The following IMPG1 variants were observed in gnomAD, a reference collection of about 807,000 sequenced individuals.
The protein encoded by IMPG1 is interphotoreceptor matrix proteoglycan of 150 kDa.
In IMPG1, 85 loss-of-function variants were observed where a neutral mutation model predicts 92.0. The observed-to-expected ratio is 0.92, with a 90% CI of 0.78 to 1.11. IMPG1 has a LOEUF of 1.11. IMPG1 is among the 50% of genes least tolerant of loss of function. The pLI, the probability that IMPG1 is intolerant of heterozygous loss-of-function variation, is 0.00. For synonymous variants in IMPG1, 367 were observed against 334.1 expected (o/e 1.10, Z -1.08); for missense variants, 1,022 against 956.0 (o/e 1.07, Z -0.91).
At chr6:75,975,126 G>A (rs1030036661) in intron 12 of IMPG1, among the ~76,000 whole-genome samples, 1 of 152,208 alleles carries the variant, frequency 6.6e-6, no homozygotes, top group African/African-American at 2.4e-5. Context: ...CATCTTGGTA[G>A]CCCCTTACAC....
intron 12 of IMPG1, among the ~76,000 whole-genome samples, chr6:75,975,019 A>G (rs1446498417): frequency 6.6e-6 from 1 of 152,252 alleles, no homozygotes; most frequent in Admixed American, 6.5e-5. Context: ...AAGTTATAAA[A>G]TCACAAGTGA....
intron 1 of IMPG1, among the ~76,000 whole-genome samples, chr6:76,062,384 T>C (rs1326701043): frequency 4.6e-5 from 7 of 152,184 alleles, no homozygotes; most frequent in Admixed American, 3.3e-4. Context: ...ATGATGCTTG[T>C]CAAAATTAGA....
chr6:75,932,073 T>C (rs1340752039), intron 14 of IMPG1, among the ~76,000 whole-genome samples: 1 of 152,258 alleles, frequency 6.6e-6, no homozygotes, highest in African/African-American at 2.4e-5. Context: ...TTTCAGATTA[T>C]TCTTTAACCA....
intron 12 of IMPG1, among the ~76,000 whole-genome samples, chr6:75,998,238 G>T (rs1478137342): frequency 6.6e-6 from 1 of 152,166 alleles, no homozygotes; most frequent in Non-Finnish European, 1.5e-5. Flanking sequence ...TGGAGATATT[G>T]TAATACAAAT....
At chr6:75,998,686 AT>A (rs1782938347) in intron 12 of IMPG1, among the ~76,000 whole-genome samples, 1 of 152,204 alleles carries the variant, frequency 6.6e-6, no homozygotes, top group African/African-American at 2.4e-5. Flanking sequence ...CCAGATGATC[AT>A]TCTAATCAAC....
chr6:75,963,182 AAGAG>A (rs2149462531), intron 12 of IMPG1, among the ~76,000 whole-genome samples: 1 of 152,340 alleles, frequency 6.6e-6, no homozygotes, highest in South Asian at 2.1e-4. Context: ...GGGAACATTG[AAGAG>A]AGAAAGAGGG....
chr6:75,999,623 T>C (rs1342987370), intron 12 of IMPG1, among the ~76,000 whole-genome samples: 1 of 152,214 alleles, frequency 6.6e-6, no homozygotes, highest in Non-Finnish European at 1.5e-5. Context: ...TTATCACGAA[T>C]GTTTCCCAGT....
At chr6:75,947,185 G>C in intron 14 of IMPG1, 129 bp downstream of exon 14, 1 of 680,146 alleles carries the variant, frequency 1.5e-6, no homozygotes, top group Non-Finnish European at 2.5e-6. Context: ...CTTCCAAAAG[G>C]TTATTTCATC....
chr6:75,993,194 G>A (rs1362207342), intron 12 of IMPG1, among the ~76,000 whole-genome samples: 2 of 152,064 alleles, frequency 1.3e-5, no homozygotes, highest in Admixed American at 6.6e-5. Context: ...TTCTTAATAT[G>A]AAATTTCAAT....
At chr6:75,977,111 A>G (rs1229136889) in intron 12 of IMPG1, among the ~76,000 whole-genome samples, 2 of 152,186 alleles carry the variant, frequency 1.3e-5, no homozygotes, top group Admixed American at 1.3e-4. Flanking sequence ...TTACTTTAAG[A>G]TATAAAACAT....
intron 8 of IMPG1, among the ~76,000 whole-genome samples, chr6:76,007,942 G>C (rs1783124925): frequency 6.6e-6 from 1 of 152,192 alleles, no homozygotes; most frequent in Non-Finnish European, 1.5e-5. Context: ...TATTCCTGAA[G>C]ATAATTTATC....
chr6:75,928,141 A>T (rs543484327), intron 15 of IMPG1, among the ~76,000 whole-genome samples: 1 of 152,218 alleles, frequency 6.6e-6, no homozygotes, highest in Non-Finnish European at 1.5e-5. Flanking sequence ...CCCTCTTCTT[A>T]TTCACTTTAA....
intron 1 of IMPG1, among the ~76,000 whole-genome samples, chr6:76,046,479 A>C (rs982457667): frequency 8.5e-5 from 13 of 152,220 alleles, no homozygotes; most frequent in Non-Finnish European, 1.9e-4. Flanking sequence ...GCTGTAATAC[A>C]CATGGTGCTT....
intron 12 of IMPG1, among the ~76,000 whole-genome samples, chr6:75,958,321 TC>T (rs1202219448): frequency 6.6e-6 from 1 of 152,204 alleles, no homozygotes; most frequent in Non-Finnish European, 1.5e-5. Flanking sequence ...CTTAACATTT[TC>T]CCCTTCATTT....
chr6:75,943,454 C>T (rs1781869914), intron 14 of IMPG1, among the ~76,000 whole-genome samples: 1 of 152,178 alleles, frequency 6.6e-6, no homozygotes, highest in Admixed American at 6.5e-5. Context: ...CCTCTGCTTC[C>T]TCTCTTACTG....
intron 7 of IMPG1, among the ~76,000 whole-genome samples, chr6:76,014,066 C>A (rs1246716415): frequency 6.6e-6 from 1 of 152,196 alleles, no homozygotes. Context: ...GGTTCTGCTA[C>A]TTTCTAGCTG....
chr6:75,955,676 C>T (rs1413614155), intron 12 of IMPG1, among the ~76,000 whole-genome samples: 1 of 152,134 alleles, frequency 6.6e-6, no homozygotes, highest in Non-Finnish European at 1.5e-5. Context: ...TCATCTTGTG[C>T]CAGTTTTCAA....
rs761247695 is a variant in IMPG1, at chr6:76,042,042, A to AT, written c.151dup (p.Met51AsnfsTer29). The AT allele has an allele frequency of 1.7e-5, 27 of 1,612,060 alleles. No homozygotes were observed. Among genetic ancestry groups the AT allele is most frequent in the African/African-American group, 2.7e-5 (2 of 74,730 alleles). ...TCGTCTCATAGTTGACATTTTGTAC[A>AT]TTTTTTCAGTACTTTCAGTTGTTTC... On this transcript the variant is annotated frameshift_variant, in exon 2 of 17. Transcript: ENST00000369950. LOFTEE classifies it high-confidence loss of function.
intron 12 of IMPG1, among the ~76,000 whole-genome samples, chr6:75,990,145 G>A (rs563658574): frequency 6.6e-6 from 1 of 152,264 alleles, no homozygotes; most frequent in East Asian, 1.9e-4. Context: ...AATGAAGTAT[G>A]GCGAGTTTTG....
Sources: gnomAD v4.1 joint callset for allele counts (sites outside exome capture counted in the v4.1 genomes callset) on GRCh38, gnomAD v4.1.1 for gene constraint, MANE v1.5 for transcripts, NCBI Gene and HGNC (gene_info 2026-07-23, HGNC 2026-07-21) for gene names.